Variants in PRKCQ observed in about 807,000 individuals in gnomAD.
PRKCQ encodes protein kinase C theta type.
A neutral mutation model predicts 91.2 loss-of-function variants in PRKCQ; 41 were observed. The observed-to-expected ratio is 0.45, with a 90% CI of 0.35 to 0.58. The LOEUF (loss-of-function observed/expected upper bound fraction) is 0.58. Among genes scored for constraint, PRKCQ ranks in the 20% least tolerant of loss-of-function variants. PRKCQ has a pLI of 0.00. For missense variants in PRKCQ, 673 were observed against 896.5 expected (o/e 0.75, Z 3.18); for synonymous variants, 307 against 316.9 (o/e 0.97, Z 0.33).
At chr10:6,525,013 T>C (rs4357599) in intron 1 of PRKCQ, among the ~76,000 whole-genome samples, 59,382 of 152,100 alleles carry the variant, frequency 0.39, 11,858 homozygotes, top group Middle Eastern at 0.5. Flanking sequence ...CTACCAGGCA[T>C]GTGCTAGGTG....
chr10:6,572,606 G>A (rs1223232665), intron 1 of PRKCQ, among the ~76,000 whole-genome samples: 1 of 152,140 alleles, frequency 6.6e-6, no homozygotes, highest in Non-Finnish European at 1.5e-5. Flanking sequence ...TGGTGTGTAT[G>A]TACATTTTCT....
At chr10:6,515,208 A>G in intron 1 of PRKCQ, 64 bp from the exon 2 acceptor site, 3 of 1,603,998 alleles carry the variant, frequency 1.9e-6, no homozygotes, top group South Asian at 2.2e-5. Context: ...TTGGTGCCCC[A>G]TGTCTACTTA....
rs574933704 is a variant in PRKCQ at position 6,457,841 on chromosome 10, G to T, written c.1509-1029C>A. On this transcript the variant is annotated intron_variant, in intron 14 of 17. Coordinates refer to ENST00000263125, the MANE Select transcript of PRKCQ (RefSeq NM_006257.5). ...TTATTGTAAACTAAAACCTTCAGGT[G>T]TTTTTCTGCTTTCCTTTATGAAGTG... 5.8e-4 allele frequency among the ~76,000 whole-genome samples: 89 copies of T among 152,156 alleles called. No homozygotes were observed. The South Asian group carries it at 0.012, about 20-fold the overall frequency.
At chr10:6,456,853 T>C in intron 14 of PRKCQ, 41 bp from the exon 15 acceptor site, 1 of 1,606,598 alleles carries the variant, frequency 6.2e-7, no homozygotes, top group East Asian at 2.2e-5. Context: ...TTAATCAATA[T>C]AATTTGGTTA....
chr10:6,472,752 G>A (rs1026779974), intron 12 of PRKCQ, among the ~76,000 whole-genome samples: 12 of 151,958 alleles, frequency 7.9e-5, no homozygotes, highest in Non-Finnish European at 1.6e-4. Context: ...TCACTGTTTC[G>A]CCCATGCTGG....
chr10:6,492,784 T>C (rs1289130299), intron 7 of PRKCQ, among the ~76,000 whole-genome samples: 1 of 152,216 alleles, frequency 6.6e-6, no homozygotes, highest in Non-Finnish European at 1.5e-5. Flanking sequence ...TTGTGCAGGA[T>C]AAAATGCTTT....
intron 1 of PRKCQ, among the ~76,000 whole-genome samples, chr10:6,531,808 GTTTT>G (rs755475848): frequency 6.6e-6 from 1 of 151,882 alleles, no homozygotes; most frequent in African/African-American, 2.4e-5. Flanking sequence ...TCTGTTTTTT[GTTTT>G]TTTGTTTTTT....
chr10:6,482,456 C>A (rs1274017901), intron 11 of PRKCQ, among the ~76,000 whole-genome samples: 1 of 152,084 alleles, frequency 6.6e-6, no homozygotes, highest in Non-Finnish European at 1.5e-5. Flanking sequence ...TGGATGCAGA[C>A]ATGCACAGGA....
intron 16 of PRKCQ, among the ~76,000 whole-genome samples, chr10:6,441,028 A>T (rs1352602154): frequency 2.0e-5 from 3 of 152,142 alleles, no homozygotes; most frequent in Non-Finnish European, 4.4e-5. Context: ...CCCAGACTGG[A>T]TGGTTTTAAT....
chr10:6,567,295 T>C (rs972544932), intron 1 of PRKCQ, among the ~76,000 whole-genome samples: 11 of 152,160 alleles, frequency 7.2e-5, no homozygotes, highest in African/African-American at 2.2e-4. Context: ...GAACAGGACA[T>C]AGGGATTCTG....
the PRKCQ span, among the ~76,000 whole-genome samples, chr10:6,395,115 T>C: frequency 2.2e-5 from 3 of 137,700 alleles, no homozygotes; most frequent in South Asian, 2.4e-4. Context: ...CAGGCTGGAG[T>C]GCAGTGGCTG....
chr10:6,455,967 A>T (rs1834979024), intron 15 of PRKCQ, among the ~76,000 whole-genome samples: 1 of 152,340 alleles, frequency 6.6e-6, no homozygotes, highest in South Asian at 2.1e-4. Context: ...AAGCAACCAG[A>T]ACAAGTGCTG....
chr10:6,543,055 C>G (rs1182695730), intron 1 of PRKCQ, among the ~76,000 whole-genome samples: 1 of 152,222 alleles, frequency 6.6e-6, no homozygotes, highest in Non-Finnish European at 1.5e-5. Flanking sequence ...TGGGAAGTCA[C>G]TATTTTGGTG....
the PRKCQ span, among the ~76,000 whole-genome samples, chr10:6,404,970 C>CCT: frequency 3.0e-3 from 354 of 119,966 alleles, 1 homozygote; most frequent in African/African-American, 8.9e-3. Flanking sequence ...TTCCTTCCTT[C>CCT]TCTCTCTCTC....
At chr10:6,453,935 C>T (rs1320855151) in intron 15 of PRKCQ, among the ~76,000 whole-genome samples, 42 of 148,402 alleles carry the variant, frequency 2.8e-4, no homozygotes, top group Non-Finnish European at 5.1e-4. Context: ...GTGGGGGGAG[C>T]GGGGAGGGAT....
chr10:6,413,731 GCACA>G, the PRKCQ span, among the ~76,000 whole-genome samples: 6 of 73,426 alleles, frequency 8.2e-5, 1 homozygote, highest in East Asian at 1.1e-3. Flanking sequence ...TTGTGCGCGC[GCACA>G]CACACACACA....
In PRKCQ at chr10:6,516,809, G is replaced by A. The variant is rs535600392; in HGVS notation, c.-9-1665C>T. ...ATCAGGCAACAGTAGCCCAGCAGGC[G>A]TCTGGGAAATGCTGCCCCAGGAAGA... On this transcript the variant is annotated intron_variant, in intron 1 of 17. Transcript: ENST00000263125. Among the ~76,000 whole-genome samples, 478 of 152,238 alleles carry A rather than the reference G, an allele frequency of 3.1e-3. 1 individual carries two copies. Among genetic ancestry groups the A allele is most frequent in the African/African-American group, 0.011 (448 of 41,548 alleles).
intron 1 of PRKCQ, among the ~76,000 whole-genome samples, chr10:6,566,268 T>C (rs551335198): frequency 7.2e-6 from 1 of 138,700 alleles, no homozygotes; most frequent in East Asian, 2.2e-4. Flanking sequence ...GGGTTATACA[T>C]GCCACCAGTG....
intron 12 of PRKCQ, among the ~76,000 whole-genome samples, chr10:6,477,220 T>C (rs557175894): frequency 2.0e-4 from 30 of 152,318 alleles, no homozygotes; most frequent in African/African-American, 7.2e-4. Flanking sequence ...CTAATATTAC[T>C]CATACTGTTA....
Sources: allele counts gnomAD v4.1 joint callset (sites outside exome capture counted in the v4.1 genomes callset), GRCh38; gene constraint gnomAD v4.1.1; transcripts MANE v1.5; gene names NCBI Gene and HGNC (gene_info 2026-07-23, HGNC 2026-07-21).